PCBP3: variants seen among roughly 807,000 people sequenced by gnomAD.
PCBP3 encodes poly(rC)-binding protein 3.
In PCBP3, 25 loss-of-function variants were observed where a neutral mutation model predicts 52.7. That is an observed-to-expected ratio of 0.47 (90% CI 0.35 to 0.66). PCBP3 has a LOEUF of 0.66. Ranked by LOEUF, PCBP3 falls within the 30% of genes least tolerant of loss-of-function variation. The pLI, the probability that PCBP3 is intolerant of heterozygous loss-of-function variation, is 0.01. For synonymous variants in PCBP3, 162 were observed against 183.0 expected (o/e 0.89, Z 0.93); for missense variants, 391 against 490.3 (o/e 0.80, Z 1.91).
In PCBP3 at chr21:45,784,414, CGCTACCCCTACCT is replaced by C. The variant is rs1479424006; in HGVS notation, c.-126+28963_-126+28975del. Among the ~76,000 whole-genome samples the C allele has an allele frequency of 2.2e-3, 306 of 140,574 alleles. 1 individual carries two copies. Among genetic ancestry groups the C allele is most frequent in the Middle Eastern group, 7.2e-3 (2 of 276 alleles). 92.2% of individuals were successfully genotyped at this position (140,574 alleles called of 152,430 possible). A position where few individuals can be genotyped will look rare whatever the true frequency, so the allele number is the denominator to read the frequency against. On this transcript the variant is annotated intron_variant, in intron 4 of 17. Coordinates refer to ENST00000681687, the MANE Select transcript of PCBP3 (RefSeq NM_001384156.1). Reference sequence around the variant, plus strand: ...CCTCTACCGCTACCTCTACCGCTACCGCTACCCCTACCTCCTACCTCCTACCTCCTACCTCCTA... The same window carrying C: ...CCTCTACCGCTACCTCTACCGCTACCCCTACCTCCTACCTCCTACCTCCTA...
chr21:45,672,938 A>G (rs2081260231), intron 2 of PCBP3, among the ~76,000 whole-genome samples: 1 of 152,164 alleles, frequency 6.6e-6, no homozygotes, highest in African/African-American at 2.4e-5. Context: ...CAAAATGGGT[A>G]ACAGTGACCT....
Position 45,837,967 on chromosome 21 carries a change from T to G in PCBP3, c.-125-11994T>G, listed in dbSNP as rs1172505505. On this transcript the variant is annotated intron_variant, in intron 4 of 17. Transcript: ENST00000681687. The surrounding 1 kb of genome is among the most constrained non-coding windows in gnomAD (Gnocchi z 4.1). The stretch of plus-strand genomic sequence containing the variant: ...TGTTGTTCTTTCTGTACTTATTAGT[T>G]GGGATTCATCTATGTGGAATAACGT... Among the ~76,000 whole-genome samples the G allele has an allele frequency of 6.6e-6, 1 of 152,264 alleles. No homozygotes were observed. The highest frequency in any genetic ancestry group is 2.4e-5 in the African/African-American group (1 of 41,472).
intron 2 of PCBP3, among the ~76,000 whole-genome samples, chr21:45,703,284 T>C (rs2083244512): frequency 6.6e-6 from 1 of 152,216 alleles, no homozygotes; most frequent in Admixed American, 6.5e-5. Context: ...CAATTTACTT[T>C]GCCCAGATCC....
At chr21:45,810,594 G>A (rs1321920760) in intron 4 of PCBP3, among the ~76,000 whole-genome samples, 8 of 151,920 alleles carry the variant, frequency 5.3e-5, no homozygotes, top group African/African-American at 1.9e-4. Flanking sequence ...CTAATATTTT[G>A]GTAATGATTT....
At chr21:45,774,811 A>G (rs2090137296) in intron 4 of PCBP3, among the ~76,000 whole-genome samples, 1 of 152,156 alleles carries the variant, frequency 6.6e-6, no homozygotes, top group Admixed American at 6.5e-5. Flanking sequence ...GTGATATATC[A>G]TGTTTATTGA....
At chr21:45,913,865 G>A (rs2149301346) in intron 11 of PCBP3, 86 bp from the exon 12 acceptor site, 1 of 1,254,124 alleles carries the variant, frequency 8.0e-7, no homozygotes, top group East Asian at 2.4e-5. Context: ...AGGGGGCTGA[G>A]TGGGGTGGGC....
chr21:45,670,591 G>A (rs1043994494), intron 2 of PCBP3, among the ~76,000 whole-genome samples: 14 of 152,150 alleles, frequency 9.2e-5, no homozygotes, highest in African/African-American at 3.4e-4. Context: ...AAGGACAACC[G>A]GATGAGTAGA....
At position 45,874,720 on chromosome 21, in the gene PCBP3, G is replaced by A. The variant is rs1420406586; in HGVS notation, c.11-21488G>A. ...AGGGTTTTGCCATGTTGGCCAGGCTGGTCTCCAATGCTGTCTTCTTTTAAG... is the reference window on the plus strand; with the variant it reads ...AGGGTTTTGCCATGTTGGCCAGGCTAGTCTCCAATGCTGTCTTCTTTTAAG... On this transcript the variant is annotated intron_variant, in intron 5 of 17. Transcript: ENST00000681687. Among the ~76,000 whole-genome samples the A allele has an allele frequency of 2.6e-5, 4 of 152,198 alleles. No homozygotes were observed. The South Asian group carries it at 6.2e-4, about 24-fold the overall frequency.
Position 45,669,801 on chromosome 21 carries a change from G to A in PCBP3, c.-200+849G>A, listed in dbSNP as rs199775017. On this transcript the variant is annotated intron_variant, in intron 2 of 17. Coordinates refer to ENST00000681687, the MANE Select transcript of PCBP3 (RefSeq NM_001384156.1). ...ATAATATTCCATTGTGTGTGTGTGT[G>A]TGTGTATATATATATATATATATAT... 6.6e-3 allele frequency among the ~76,000 whole-genome samples: 455 copies of A among 68,742 alleles called. 3 individuals carry two copies. Among genetic ancestry groups the A allele is most frequent in the African/African-American group, 0.011 (185 of 17,086 alleles). The allele number at this position is 68,742 out of a possible 152,430, so 45.1% of individuals were successfully genotyped here. A position where few individuals can be genotyped will look rare whatever the true frequency, so the allele number is the denominator to read the frequency against.
At position 45,713,515 on chromosome 21, in the gene PCBP3, C is replaced by G. The variant is rs567270666; in HGVS notation, c.-199-21877C>G. On this transcript the variant is annotated intron_variant, in intron 2 of 17. Coordinates refer to ENST00000681687, the MANE Select transcript of PCBP3 (RefSeq NM_001384156.1). ...CCCAGGGCCTGCTTTTGAATGTTGT[C>G]CCTCACTAACGACCACCTCATGAAG... Among the ~76,000 whole-genome samples, 8 of 152,306 alleles carry G rather than the reference C, an allele frequency of 5.3e-5. No homozygotes were observed. The East Asian group carries it at 1.5e-3, about 29-fold the overall frequency.
At chr21:45,779,621 A>G (rs1354666059) in intron 4 of PCBP3, among the ~76,000 whole-genome samples, 3 of 152,238 alleles carry the variant, frequency 2.0e-5, no homozygotes, top group Non-Finnish European at 1.5e-5. Context: ...ATTATTTTTA[A>G]TAACATTAGA....
At chr21:45,786,361 GCTCATTGCAGCCTCTAC>G (rs2091160047) in intron 4 of PCBP3, among the ~76,000 whole-genome samples, 1 of 151,738 alleles carries the variant, frequency 6.6e-6, no homozygotes, top group Non-Finnish European at 1.5e-5. Flanking sequence ...CACAATCTCA[GCTCATTGCAGCCTCTAC>G]CTCCTGGGTT....
At chr21:45,865,602 C>G (rs1355806931) in intron 5 of PCBP3, among the ~76,000 whole-genome samples, 1 of 152,162 alleles carries the variant, frequency 6.6e-6, no homozygotes, top group Non-Finnish European at 1.5e-5. Flanking sequence ...CTGATGTTCT[C>G]CCTCACATTG....
intron 2 of PCBP3, among the ~76,000 whole-genome samples, chr21:45,730,799 T>C (rs534829097): frequency 6.6e-6 from 1 of 152,294 alleles, no homozygotes; most frequent in South Asian, 2.1e-4. Context: ...TGTGGTAATA[T>C]TATGTACCCT....
intron 1 of PCBP3, among the ~76,000 whole-genome samples, chr21:45,663,524 C>T (rs1042056832): frequency 2.6e-5 from 4 of 152,134 alleles, no homozygotes; most frequent in African/African-American, 9.7e-5. Context: ...TTAGGTCTTA[C>T]ATTTAAGTTT....
intron 2 of PCBP3, among the ~76,000 whole-genome samples, chr21:45,697,237 G>A (rs1442734850): frequency 2.6e-5 from 4 of 152,124 alleles, no homozygotes; most frequent in Non-Finnish European, 4.4e-5. Context: ...GAAACATCCC[G>A]AATGCCTGTC....
At chr21:45,664,621 CT>C (rs1048991654) in intron 1 of PCBP3, among the ~76,000 whole-genome samples, 1 of 132,344 alleles carries the variant, frequency 7.6e-6, no homozygotes, top group African/African-American at 2.8e-5. Flanking sequence ...TTTTTCTTTT[CT>C]TTTTTTATTA....
At chr21:45,938,888 TC>T (rs1244019941) in intron 16 of PCBP3, among the ~76,000 whole-genome samples, 1 of 152,198 alleles carries the variant, frequency 6.6e-6, no homozygotes, top group African/African-American at 2.4e-5. Context: ...GGCACCTGTG[TC>T]CCACCATGGA....
At chr21:45,808,471 T>A (rs4819150) in intron 4 of PCBP3, among the ~76,000 whole-genome samples, 105,066 of 152,134 alleles carry the variant, frequency 0.69, 37,972 homozygotes, top group African/African-American at 0.91. Flanking sequence ...GAGAAATGCA[T>A]ATCAAAACCA....
Sources: allele counts gnomAD v4.1 joint callset (sites outside exome capture counted in the v4.1 genomes callset), GRCh38; gene constraint gnomAD v4.1.1; non-coding constraint Gnocchi (gnomAD v3.1); transcripts MANE v1.5; gene names NCBI Gene and HGNC (gene_info 2026-07-23, HGNC 2026-07-21).